Variants in CHST11 observed in about 807,000 individuals in gnomAD.
CHST11 encodes the protein C4S-1.
A neutral mutation model predicts 30.4 loss-of-function variants in CHST11; 9 were observed. The observed-to-expected ratio is 0.30, with a 90% CI of 0.18 to 0.52. CHST11 has a LOEUF of 0.52. Ranked by LOEUF, CHST11 falls within the 20% of genes least tolerant of loss-of-function variation. The pLI is 0.97. For synonymous variants in CHST11, 152 were observed against 187.8 expected (o/e 0.81, Z 1.56); for missense variants, 348 against 460.6 (o/e 0.76, Z 2.24).
intron 1 of CHST11, among the ~76,000 whole-genome samples, chr12:104,477,407 G>A (rs1270871269): frequency 6.6e-6 from 1 of 152,268 alleles, no homozygotes; most frequent in Admixed American, 6.5e-5. Context: ...TGGCATCTGC[G>A]AGAAAAATTT....
intron 1 of CHST11, among the ~76,000 whole-genome samples, chr12:104,574,213 A>G (rs1490996456): frequency 3.3e-5 from 5 of 152,222 alleles, no homozygotes; most frequent in Admixed American, 2.6e-4. Context: ...CGGAAACAAC[A>G]GGTGCTGGAG....
chr12:104,556,470 C>T (rs895395349), intron 1 of CHST11, among the ~76,000 whole-genome samples: 1 of 152,114 alleles, frequency 6.6e-6, no homozygotes, highest in Non-Finnish European at 1.5e-5. Flanking sequence ...TCTGGAGGCT[C>T]GAAGTCTGAG....
intron 2 of CHST11, among the ~76,000 whole-genome samples, chr12:104,693,868 A>G (rs866624728): frequency 1.3e-5 from 2 of 152,338 alleles, no homozygotes; most frequent in Middle Eastern, 6.8e-3. Context: ...GACCGCTTAT[A>G]TAAAATGAGA....
chr12:104,583,336 C>G (rs2038766807), intron 1 of CHST11, among the ~76,000 whole-genome samples: 1 of 152,164 alleles, frequency 6.6e-6, no homozygotes, highest in South Asian at 2.1e-4. Flanking sequence ...TGATCCCATT[C>G]CATATCTTTG....
intron 2 of CHST11, among the ~76,000 whole-genome samples, chr12:104,727,081 GAC>G (rs2040222444): frequency 6.6e-6 from 1 of 152,162 alleles, no homozygotes; most frequent in Non-Finnish European, 1.5e-5. Context: ...AAAGGAAACA[GAC>G]ATTTATTTGG....
chr12:104,598,187 C>T (rs2038925112), intron 1 of CHST11, among the ~76,000 whole-genome samples: 1 of 152,160 alleles, frequency 6.6e-6, no homozygotes, highest in Non-Finnish European at 1.5e-5. Flanking sequence ...AATTGCTGGT[C>T]CTTCCTTTGC....
chr12:104,595,438 A>C, intron 1 of CHST11, among the ~76,000 whole-genome samples: 1 of 151,514 alleles, frequency 6.6e-6, no homozygotes, highest in African/African-American at 2.4e-5. Flanking sequence ...TTCCACCTTG[A>C]CTCCCCAAAC....
chr12:104,751,399 T>C (rs1203552397), intron 2 of CHST11, among the ~76,000 whole-genome samples: 1 of 152,244 alleles, frequency 6.6e-6, no homozygotes, highest in Non-Finnish European at 1.5e-5. Flanking sequence ...GGTTTGGTTT[T>C]GTTTAATGGC....
chr12:104,637,687 C>T (rs2039338918), intron 2 of CHST11, among the ~76,000 whole-genome samples: 1 of 152,216 alleles, frequency 6.6e-6, no homozygotes, highest in East Asian at 1.9e-4. Flanking sequence ...TGGTCACTTC[C>T]CTGTTCCCCA....
At chr12:104,504,309 A>G (rs2037881206) in intron 1 of CHST11, among the ~76,000 whole-genome samples, 1 of 152,218 alleles carries the variant, frequency 6.6e-6, no homozygotes, top group South Asian at 2.1e-4. Context: ...AGCTGTGTTA[A>G]TGTAATTAGC....
At chr12:104,473,240 T>A (rs11112069) in intron 1 of CHST11, among the ~76,000 whole-genome samples, 27,076 of 152,098 alleles carry the variant, frequency 0.18, 2,512 homozygotes, top group South Asian at 0.28. Context: ...ACGACTAAAG[T>A]GCAAAGTAAG....
At chr12:104,612,556 G>T (rs1017438370) in intron 2 of CHST11, among the ~76,000 whole-genome samples, 1 of 152,202 alleles carries the variant, frequency 6.6e-6, no homozygotes, top group Non-Finnish European at 1.5e-5. Flanking sequence ...ATTTGAAGGT[G>T]CTGGGGTGAG....
chr12:104,545,991 C>T (rs1553836), intron 1 of CHST11, among the ~76,000 whole-genome samples: 83,621 of 151,848 alleles, frequency 0.55, 24,176 homozygotes, highest in East Asian at 0.98. Context: ...GCATCAATCC[C>T]ACTTATGAGG....
intron 2 of CHST11, among the ~76,000 whole-genome samples, chr12:104,644,903 A>G (rs2039411469): frequency 6.6e-6 from 1 of 152,236 alleles, no homozygotes; most frequent in Non-Finnish European, 1.5e-5. Flanking sequence ...GCTTATCTGC[A>G]TGAAACCTGA....
chr12:104,543,520 T>G (rs2038305118), intron 1 of CHST11, among the ~76,000 whole-genome samples: 1 of 152,232 alleles, frequency 6.6e-6, no homozygotes, highest in Non-Finnish European at 1.5e-5. Flanking sequence ...TTAAACTGTT[T>G]TGCAGAGAAA....
chr12:104,718,694 C>A (rs1284622733), intron 2 of CHST11, among the ~76,000 whole-genome samples: 2 of 152,316 alleles, frequency 1.3e-5, no homozygotes, highest in East Asian at 3.9e-4. Context: ...GGCGTCTCCT[C>A]CCTGCCACCC....
At chr12:104,575,255 G>T (rs571864752) in intron 1 of CHST11, among the ~76,000 whole-genome samples, 1 of 152,060 alleles carries the variant, frequency 6.6e-6, no homozygotes, top group Non-Finnish European at 1.5e-5. Flanking sequence ...ATCCCAGGGT[G>T]ACGGGGCTTT....
intron 2 of CHST11, among the ~76,000 whole-genome samples, chr12:104,673,603 A>G (rs2039715440): frequency 6.6e-6 from 1 of 152,224 alleles, no homozygotes; most frequent in South Asian, 2.1e-4. Flanking sequence ...AATATCAACC[A>G]TTCTTATGGT....
intron 1 of CHST11, among the ~76,000 whole-genome samples, chr12:104,513,132 G>GC (rs1483226235): frequency 9.1e-6 from 1 of 110,212 alleles, no homozygotes; most frequent in Non-Finnish European, 1.9e-5. Context: ...CTGGGGGGGG[G>GC]GGGGGTTGGG....
Sources: gnomAD v4.1 joint callset for allele counts (sites outside exome capture counted in the v4.1 genomes callset) on GRCh38, gnomAD v4.1.1 for gene constraint, MANE v1.5 for transcripts, NCBI Gene and HGNC (gene_info 2026-07-23, HGNC 2026-07-21) for gene names.